Variants in PDE10A observed in about 807,000 individuals in gnomAD.
PDE10A encodes the protein phosphodiesterase 10A.
PDE10A carries 39 observed loss-of-function variants against 97.7 expected under a neutral mutation model. The observed-to-expected ratio is 0.40, with a 90% CI of 0.31 to 0.52. PDE10A has a LOEUF of 0.52. Ranked by LOEUF, PDE10A falls within the 20% of genes least tolerant of loss-of-function variation. PDE10A has a pLI of 0.56. For missense variants in PDE10A, 731 were observed against 1,047.8 expected (o/e 0.70, Z 4.17); for synonymous variants, 371 against 376.8 (o/e 0.98, Z 0.18).
chr6:165,622,832 C>A (rs1353395674), intron 1 of PDE10A, among the ~76,000 whole-genome samples: 1 of 152,100 alleles, frequency 6.6e-6, no homozygotes, highest in Non-Finnish European at 1.5e-5. Context: ...AATTGTAATC[C>A]CCAATGCTGG....
intron 1 of PDE10A, among the ~76,000 whole-genome samples, chr6:165,679,933 G>C (rs1790930204): frequency 6.6e-6 from 1 of 152,078 alleles, no homozygotes; most frequent in African/African-American, 2.4e-5. Context: ...GGACTCCCAT[G>C]GTGGACATTG....
intron 1 of PDE10A, among the ~76,000 whole-genome samples, chr6:165,571,699 T>C (rs1381165522): frequency 6.6e-6 from 1 of 152,260 alleles, no homozygotes; most frequent in East Asian, 1.9e-4. Flanking sequence ...CTTAAGTGTT[T>C]AGTACCAGTT....
rs973242420 is a variant in PDE10A, at chr6:165,819,594, T to C, written c.-615+167935A>G. On this transcript the variant is annotated intron_variant, in intron 1 of 19. Coordinates refer to the PDE10A transcript ENST00000366882. The surrounding 1 kb of genome is among the most constrained non-coding windows in gnomAD (Gnocchi z 4.2). ...CCACTGCCGCGACCCCCACCCCGAG[T>C]TGCCGGACACAGTCAGGCAGAGCCG... is the stretch of plus-strand genomic sequence containing the variant. Among the ~76,000 whole-genome samples, 6 of 152,108 alleles carry C rather than the reference T, an allele frequency of 3.9e-5. No homozygotes were observed. The highest frequency in any genetic ancestry group is 7.4e-5 in the Non-Finnish European group (5 of 68,012).
intron 2 of PDE10A, among the ~76,000 whole-genome samples, chr6:165,513,002 G>A (rs1781587110): frequency 6.6e-6 from 1 of 151,766 alleles, no homozygotes; most frequent in African/African-American, 2.4e-5. Flanking sequence ...AAAAAAATGG[G>A]TTGTCTTATT....
chr6:165,525,667 A>G (rs1256629912), intron 2 of PDE10A, among the ~76,000 whole-genome samples: 1 of 152,206 alleles, frequency 6.6e-6, no homozygotes, highest in Admixed American at 6.5e-5. Flanking sequence ...CGGGAACCAC[A>G]GTCACTCAAA....
rs536802325 is a variant in PDE10A, at chr6:165,624,486, TTC to T, written c.865+37459_865+37460del. On this transcript the variant is annotated intron_variant, in intron 1 of 21. Transcript: ENST00000539869. ...CAGCTCTGATTGTCTCTTGCAGCAT[TTC>T]TCTGTTTTTTATTTTCCTTTCTCCT... 3.0e-3 allele frequency among the ~76,000 whole-genome samples: 450 copies of T among 152,336 alleles called. 4 individuals carry two copies. The highest frequency in any genetic ancestry group is 5.6e-3 in the Admixed American group (86 of 15,300).
chr6:165,716,825 A>G (rs972047565), intron 1 of PDE10A, among the ~76,000 whole-genome samples: 1 of 152,200 alleles, frequency 6.6e-6, no homozygotes, highest in Non-Finnish European at 1.5e-5. Context: ...ATTTTTAAAG[A>G]AAATTACTTT....
intron 1 of PDE10A, among the ~76,000 whole-genome samples, chr6:165,734,329 A>G (rs1449473187): frequency 1.3e-5 from 2 of 152,162 alleles, no homozygotes; most frequent in Non-Finnish European, 2.9e-5. Flanking sequence ...AGCCACACAC[A>G]TGCTTCTCAC....
intron 1 of PDE10A, among the ~76,000 whole-genome samples, chr6:165,951,972 T>C (rs1187110244): frequency 1.3e-5 from 2 of 152,270 alleles, no homozygotes; most frequent in Non-Finnish European, 2.9e-5. Context: ...ACATTCATCA[T>C]GAATTTACTA....
intron 1 of PDE10A, among the ~76,000 whole-genome samples, chr6:165,587,373 G>A (rs534895369): frequency 3.2e-4 from 48 of 152,252 alleles, no homozygotes; most frequent in Admixed American, 2.0e-3. Flanking sequence ...AATTTAATAC[G>A]TGTCTCATGC....
chr6:165,876,246 T>C (rs1365948110), intron 1 of PDE10A, among the ~76,000 whole-genome samples: 1 of 152,044 alleles, frequency 6.6e-6, no homozygotes, highest in Non-Finnish European at 1.5e-5. Context: ...AATATTACAT[T>C]AAAAAAAGCA....
intron 1 of PDE10A, among the ~76,000 whole-genome samples, chr6:165,669,900 A>G (rs750334061): frequency 1.2e-3 from 178 of 152,362 alleles, no homozygotes; most frequent in Non-Finnish European, 2.1e-3. Flanking sequence ...CAAATTTAAA[A>G]AAGAATACAC....
chr6:165,498,422 C>CAAAAA (rs1780666143), intron 2 of PDE10A, among the ~76,000 whole-genome samples: 1 of 20,842 alleles, frequency 4.8e-5, no homozygotes, highest in Non-Finnish European at 9.1e-5. Context: ...GACCCTGTCT[C>CAAAAA]CAAAAAAAAA....
chr6:165,370,635 C>A (rs1428880771), intron 18 of PDE10A, among the ~76,000 whole-genome samples: 3 of 148,342 alleles, frequency 2.0e-5, no homozygotes, highest in Admixed American at 2.0e-4. Flanking sequence ...TAATGGGAGA[C>A]TTTAACACCC....
chr6:165,784,160 C>T (rs185560497), intron 1 of PDE10A, among the ~76,000 whole-genome samples: 4 of 151,012 alleles, frequency 2.6e-5, no homozygotes, highest in East Asian at 3.9e-4. Flanking sequence ...GGGGAGGTTG[C>T]AGTGAGCCAA....
intron 1 of PDE10A, among the ~76,000 whole-genome samples, chr6:165,715,045 C>A (rs765873722): frequency 2.6e-5 from 4 of 152,260 alleles, no homozygotes; most frequent in Non-Finnish European, 5.9e-5. Flanking sequence ...GGGCAGGAAC[C>A]CACGGGCCGC....
At chr6:165,705,166 T>C (rs1271921379) in intron 1 of PDE10A, among the ~76,000 whole-genome samples, 1 of 152,260 alleles carries the variant, frequency 6.6e-6, no homozygotes, top group African/African-American at 2.4e-5. Context: ...TCACTGTACC[T>C]GTTTACTGGG....
intron 2 of PDE10A, among the ~76,000 whole-genome samples, chr6:165,498,063 G>T (rs1159111909): frequency 6.6e-6 from 1 of 151,838 alleles, no homozygotes; most frequent in Non-Finnish European, 1.5e-5. Context: ...TTATTATGTT[G>T]CTTTAGTATT....
intron 13 of PDE10A, among the ~76,000 whole-genome samples, chr6:165,397,783 T>C (rs1024517730): frequency 1.3e-5 from 2 of 151,392 alleles, no homozygotes; most frequent in Non-Finnish European, 2.9e-5. Context: ...TTTAAAAATA[T>C]TTAGCTTCCT....
Sources: gnomAD v4.1 joint callset for allele counts (sites outside exome capture counted in the v4.1 genomes callset) on GRCh38, gnomAD v4.1.1 for gene constraint, Gnocchi (gnomAD v3.1) non-coding constraint, MANE v1.5 for transcripts, NCBI Gene and HGNC (gene_info 2026-07-23, HGNC 2026-07-21) for gene names.